GRM3: variants seen among roughly 807,000 people sequenced by gnomAD.
The protein encoded by GRM3 is metabotropic glutamate receptor 3.
A neutral mutation model predicts 70.5 loss-of-function variants in GRM3; 26 were observed. The ratio of observed to expected loss-of-function variants is 0.37; its 90% CI spans 0.27 to 0.51. The LOEUF (loss-of-function observed/expected upper bound fraction) is 0.51. GRM3 is among the 20% of genes least tolerant of loss of function. The pLI, the probability that GRM3 is intolerant of heterozygous loss-of-function variation, is 0.93. For missense variants in GRM3, 859 were observed against 1,123.8 expected (o/e 0.76, Z 3.37); for synonymous variants, 443 against 434.9 (o/e 1.02, Z -0.23).
At chr7:86,789,123 A>G (rs560826696) in intron 3 of GRM3, among the ~76,000 whole-genome samples, 1 of 152,312 alleles carries the variant, frequency 6.6e-6, no homozygotes, top group Admixed American at 6.5e-5. Flanking sequence ...TTGGCTGTGC[A>G]AACCTGACCA....
chr7:86,688,702 G>A (rs1794622908), intron 1 of GRM3, among the ~76,000 whole-genome samples: 1 of 148,518 alleles, frequency 6.7e-6, no homozygotes, highest in Non-Finnish European at 1.5e-5. Flanking sequence ...ATATATATAT[G>A]AGAAATATGA....
At chr7:86,657,752 G>A (rs1048798269) in intron 1 of GRM3, among the ~76,000 whole-genome samples, 2 of 152,144 alleles carry the variant, frequency 1.3e-5, no homozygotes, top group Non-Finnish European at 2.9e-5. Flanking sequence ...GGTAATGATG[G>A]CCTAAACTAG....
At chr7:86,659,235 G>A (rs1793829350) in intron 1 of GRM3, among the ~76,000 whole-genome samples, 1 of 152,140 alleles carries the variant, frequency 6.6e-6, no homozygotes, top group Non-Finnish European at 1.5e-5. Context: ...TTCTCAAAAT[G>A]AATGCGGTTA....
At position 86,755,439 on chromosome 7, in the gene GRM3, T is replaced by A. The variant is rs989465362; in HGVS notation, c.-140-9567T>A. 3.3e-5 allele frequency among the ~76,000 whole-genome samples: 5 copies of A among 152,030 alleles called. No homozygotes were observed. In the East Asian group the frequency reaches 9.7e-4, roughly 29 times the overall value. ...ACCCTACTGTGCCAGAATCTAACCC[T>A]TTAGTTGCTGGGTCATAAGGAAATA... is the stretch of plus-strand genomic sequence containing the variant. On this transcript the variant is annotated intron_variant, in intron 1 of 5. Transcript: ENST00000361669.
chr7:86,736,168 G>A (rs190764706), intron 1 of GRM3, among the ~76,000 whole-genome samples: 2 of 152,190 alleles, frequency 1.3e-5, no homozygotes, highest in Admixed American at 6.5e-5. Flanking sequence ...GTGTAGGGGA[G>A]AAAAGCTAAC....
At chr7:86,683,456 C>A (rs981025071) in intron 1 of GRM3, among the ~76,000 whole-genome samples, 1 of 152,162 alleles carries the variant, frequency 6.6e-6, no homozygotes, top group Non-Finnish European at 1.5e-5. Flanking sequence ...GACATCAGCA[C>A]GTGGACCATA....
At chr7:86,698,122 G>A (rs802466) in intron 1 of GRM3, among the ~76,000 whole-genome samples, 104,384 of 151,960 alleles carry the variant, frequency 0.69, 36,500 homozygotes, top group East Asian at 0.88. Flanking sequence ...CCTTTTACCC[G>A]TCCATTTTCT....
intron 5 of GRM3, among the ~76,000 whole-genome samples, chr7:86,860,904 A>G (rs1329504597): frequency 1.3e-5 from 2 of 152,220 alleles, no homozygotes; most frequent in African/African-American, 4.8e-5. Flanking sequence ...AGGGAACATC[A>G]GAGTAGGTTT....
At chr7:86,816,330 A>G (rs1269878313) in intron 3 of GRM3, among the ~76,000 whole-genome samples, 1 of 151,882 alleles carries the variant, frequency 6.6e-6, no homozygotes, top group African/African-American at 2.4e-5. Flanking sequence ...GTACATGTGC[A>G]GATTTATTAC....
chr7:86,811,143 G>T (rs1013481658), intron 3 of GRM3, among the ~76,000 whole-genome samples: 3 of 151,928 alleles, frequency 2.0e-5, no homozygotes, highest in African/African-American at 7.2e-5. Flanking sequence ...AGCAACTCAT[G>T]TGAACCATAA....
At chr7:86,710,047 T>C (rs1297163763) in intron 1 of GRM3, 1 of 152,100 alleles carries the variant, frequency 6.6e-6, no homozygotes, top group Non-Finnish European at 1.5e-5. Flanking sequence ...AAAGCGAGCA[T>C]TTTCTTCTAT....
chr7:86,820,848 A>G (rs565275030), intron 3 of GRM3, among the ~76,000 whole-genome samples: 1 of 152,310 alleles, frequency 6.6e-6, no homozygotes, highest in Admixed American at 6.5e-5. Context: ...AAATGCTTCC[A>G]GCCTCCCAGG....
At position 86,683,292 on chromosome 7, in the gene GRM3, G is replaced by A. The variant is rs1794485527; in HGVS notation, c.-141+38420G>A. Reference sequence around the variant, plus strand: ...GATGGTCCTGCTCTTAACATTCACTGCAACAGAACATGTAGGAAGAGCTGA... The same window carrying A: ...GATGGTCCTGCTCTTAACATTCACTACAACAGAACATGTAGGAAGAGCTGA... On this transcript the variant is annotated intron_variant, in intron 1 of 5. Coordinates refer to ENST00000361669, the MANE Select transcript of GRM3 (RefSeq NM_000840.3). Among the ~76,000 whole-genome samples, 2 of 152,164 alleles carry A rather than the reference G, an allele frequency of 1.3e-5. 1 individual carries two copies. The highest frequency in any genetic ancestry group is 4.1e-4 in the South Asian group (2 of 4,830).
At chr7:86,804,891 T>C (rs555425903) in intron 3 of GRM3, among the ~76,000 whole-genome samples, 2 of 152,268 alleles carry the variant, frequency 1.3e-5, no homozygotes, top group South Asian at 4.1e-4. Context: ...GGCTGGAGGA[T>C]TGCTTAAGCC....
intron 1 of GRM3, among the ~76,000 whole-genome samples, chr7:86,732,644 A>G (rs907211352): frequency 6.6e-6 from 1 of 152,238 alleles, no homozygotes; most frequent in Non-Finnish European, 1.5e-5. Flanking sequence ...ACTAGATATT[A>G]ACACTATGCC....
intron 2 of GRM3, among the ~76,000 whole-genome samples, chr7:86,772,421 C>T (rs879682791): frequency 2.0e-5 from 3 of 152,068 alleles, no homozygotes; most frequent in African/African-American, 4.8e-5. Flanking sequence ...TGTTGCAAGG[C>T]GAGCATGTGG....
At chr7:86,727,289 C>A (rs1584196521) in intron 1 of GRM3, among the ~76,000 whole-genome samples, 1 of 152,204 alleles carries the variant, frequency 6.6e-6, no homozygotes, top group Middle Eastern at 3.4e-3. Flanking sequence ...GTGGTCTACT[C>A]CCTAGCTATA....
At chr7:86,694,511 CAAAAA>C (rs1226119828) in intron 1 of GRM3, among the ~76,000 whole-genome samples, 1 of 37,796 alleles carries the variant, frequency 2.6e-5, no homozygotes, top group African/African-American at 9.7e-5. Context: ...GACTCTGTCT[CAAAAA>C]AAAAAAAAAA....
chr7:86,693,323 T>C (rs1395525487), intron 1 of GRM3, among the ~76,000 whole-genome samples: 1 of 152,216 alleles, frequency 6.6e-6, no homozygotes, highest in Non-Finnish European at 1.5e-5. Context: ...CCTTAGGACA[T>C]GGGTCAGTTA....
Sources: gnomAD v4.1 joint callset for allele counts (sites outside exome capture counted in the v4.1 genomes callset) on GRCh38, gnomAD v4.1.1 for gene constraint, MANE v1.5 for transcripts, NCBI Gene and HGNC (gene_info 2026-07-23, HGNC 2026-07-21) for gene names.